Variants in TDRKH observed in about 807,000 individuals in gnomAD.
The protein encoded by TDRKH is tudor and KH domain containing.
In TDRKH, 28 loss-of-function variants were observed where a neutral mutation model predicts 61.3. That is an observed-to-expected ratio of 0.46 (90% CI 0.34 to 0.63). The LOEUF (loss-of-function observed/expected upper bound fraction) is 0.63, where lower values mean the gene tolerates loss of function less well. Ranked by LOEUF, TDRKH falls within the 20% of genes least tolerant of loss-of-function variation. The pLI is 0.01. For missense variants in TDRKH, 540 were observed against 683.4 expected (o/e 0.79, Z 2.34); for synonymous variants, 219 against 244.4 (o/e 0.90, Z 0.97).
chr1:151,767,523 G>A (rs1053564372), downstream of TDRKH: 7 of 933,426 alleles, frequency 7.5e-6, no homozygotes, highest in African/African-American at 1.7e-5. Context: ...AAGAGGGAGT[G>A]GGGACAAAGG....
intron 1 of TDRKH, among the ~76,000 whole-genome samples, chr1:151,787,182 T>C (rs1477026209): frequency 6.6e-6 from 1 of 152,252 alleles, no homozygotes; most frequent in African/African-American, 2.4e-5. Context: ...TCTTGGTGTC[T>C]AGAAAGAATT....
At position 151,790,427 on chromosome 1, in the gene TDRKH, G is replaced by C. The variant is rs1650812874; in HGVS notation, c.-75C>G. 1.3e-5 allele frequency: 2 copies of C among 153,278 alleles called. No individual in the cohort carries two copies. The highest frequency in any genetic ancestry group is 1.9e-4 in the East Asian group (1 of 5,216). 9.5% of individuals were successfully genotyped at this position (153,278 alleles called of 1,614,324 possible). ...TACCGCTGCTCCAGTCAGCCGTCGAGTGCGCCGCCTCGCGCCTCACCCCAG... is the reference window on the plus strand; with the variant it reads ...TACCGCTGCTCCAGTCAGCCGTCGACTGCGCCGCCTCGCGCCTCACCCCAG... On this transcript the variant is annotated 5_prime_UTR_variant, in exon 1 of 13. Coordinates refer to ENST00000368824, the MANE Select transcript of TDRKH (RefSeq NM_001083965.2).
chr1:151,779,848 A>C lies in TDRKH; in HGVS notation c.421+103T>G, dbSNP rs1039727787. ...TCTCAATGTCCCTTTTTTTCCCCTC[A>C]CATGGTGAAGGGGAACTAGGCCAGA... On this transcript the variant is annotated intron_variant, in intron 4 of 12. Transcript: ENST00000368824. 8.6e-5 allele frequency: 107 copies of C among 1,247,934 alleles called. 1 individual carries two copies. In the South Asian group the frequency reaches 1.5e-3, roughly 18 times the overall value. The allele number at this position is 1,247,934 out of a possible 1,614,324, so 77.3% of individuals were successfully genotyped here.
Position 151,775,507 on chromosome 1 carries a change from T to C in TDRKH, c.1319A>G (p.Asp440Gly), listed in dbSNP as rs772336892. ...QWEEEALDEFDRLTHCADWKP... is the reference protein window; with the variant it reads ...QWEEEALDEFGRLTHCADWKP... ...CCAGTCAGCACAATGAGTGAGTCTA[T>C]CAAACTCATCCAAAGCTTCCTCTTC... The change falls in exon 10 of 13, where the codon GAT (aspartate) becomes GGT (glycine). Residue 440 changes from aspartate to glycine, a missense_variant. Around this residue, in one of 3 missense-constraint regions of TDRKH, gnomAD observed 379 missense variants for 443.8 expected, o/e 0.85. Coordinates refer to ENST00000368824, the MANE Select transcript of TDRKH (RefSeq NM_001083965.2). 6.8e-6 allele frequency: 11 copies of C among 1,613,746 alleles called. No homozygotes were observed. In the Admixed American group the frequency reaches 1.8e-4, roughly 27 times the overall value.
In TDRKH at chr1:151,779,252, A is replaced by G; in HGVS notation, c.422-10T>C. 1 of 1,612,808 alleles carries G rather than the reference A, an allele frequency of 6.2e-7. No individual in the cohort carries two copies. Among genetic ancestry groups the G allele is most frequent in the South Asian group, 1.1e-5 (1 of 90,794 alleles). On this transcript the variant is annotated splice_polypyrimidine_tract_variant and intron_variant, in intron 4 of 12. Coordinates refer to ENST00000368824, the MANE Select transcript of TDRKH (RefSeq NM_001083965.2). ...GTCTCGCCGCCTCTCCCTACATTAA[A>G]CAATATATAAAAACCTGCCCTTCCC...
chr1:151,769,760 G>A (rs1648569040), downstream of TDRKH, among the ~76,000 whole-genome samples: 6 of 152,158 alleles, frequency 3.9e-5, no homozygotes, highest in Admixed American at 2.0e-4. Flanking sequence ...CCGAGATCAC[G>A]CCACTGCACT....
downstream of TDRKH, chr1:151,768,066 C>G: frequency 1.2e-6 from 2 of 1,613,962 alleles, no homozygotes; most frequent in African/African-American, 2.7e-5. Flanking sequence ...AGGCTGGGAA[C>G]TTGACGGTGC....
intron 1 of TDRKH, among the ~76,000 whole-genome samples, chr1:151,784,443 C>A (rs771918624): frequency 6.6e-6 from 1 of 152,224 alleles, no homozygotes; most frequent in Non-Finnish European, 1.5e-5. Flanking sequence ...CTTAAATCCA[C>A]TCTAACTGCT....
At chr1:151,768,001 C>G (rs1648425584), downstream of TDRKH, 4 of 1,600,166 alleles carry the variant, frequency 2.5e-6, no homozygotes, top group African/African-American at 2.7e-5. Flanking sequence ...CGGACACACC[C>G]CCATCTGCCT....
chr1:151,781,329 A>T (rs2101605538), intron 3 of TDRKH, 152 bp downstream of exon 3: 1 of 133,888 alleles, frequency 7.5e-6, no homozygotes, highest in African/African-American at 3.0e-5. Flanking sequence ...AAAAAAAAAA[A>T]TATATATATA....
chr1:151,782,503 T>G (rs1012261505), intron 2 of TDRKH, among the ~76,000 whole-genome samples: 2 of 147,604 alleles, frequency 1.4e-5, no homozygotes, highest in African/African-American at 5.0e-5. Flanking sequence ...GAAAGTCAAT[T>G]AAAATACCTG....
intron 1 of TDRKH, among the ~76,000 whole-genome samples, chr1:151,788,329 C>T (rs1177360019): frequency 6.6e-6 from 1 of 152,186 alleles, no homozygotes; most frequent in East Asian, 1.9e-4. Flanking sequence ...CTGATGTGTG[C>T]TTGACCCTCG....
chr1:151,771,376 G>A, downstream of TDRKH: 1 of 1,423,702 alleles, frequency 7.0e-7, no homozygotes, highest in South Asian at 1.5e-5. Context: ...AGGGTTGACT[G>A]GAGTGGGATA....
At chr1:151,780,794 G>A (rs1649678110) in intron 3 of TDRKH, among the ~76,000 whole-genome samples, 1 of 149,248 alleles carries the variant, frequency 6.7e-6, no homozygotes. Context: ...AGCTTGCAGT[G>A]AGCCAAGATC....
intron 6 of TDRKH, among the ~76,000 whole-genome samples, chr1:151,777,432 G>GCT (rs1250757464): frequency 6.6e-6 from 1 of 151,796 alleles, no homozygotes; most frequent in Non-Finnish European, 1.5e-5. Flanking sequence ...GGAGACAGAG[G>GCT]AAGACTCTGT....
downstream of TDRKH, chr1:151,770,105 AC>A: frequency 4.4e-6 from 2 of 455,024 alleles, no homozygotes; most frequent in Non-Finnish European, 3.6e-6. Context: ...CCATGGGGAG[AC>A]GGAGACGGAG....
At chr1:151,767,705 A>C (rs1648411505), downstream of TDRKH, among the ~76,000 whole-genome samples, 1 of 152,182 alleles carries the variant, frequency 6.6e-6, no homozygotes, top group Non-Finnish European at 1.5e-5. Context: ...AAACCCATAT[A>C]ATGAAAAAAG....
chr1:151,771,125 C>G, downstream of TDRKH: 3 of 1,612,578 alleles, frequency 1.9e-6, no homozygotes, highest in East Asian at 6.7e-5. Flanking sequence ...GTGGTCAGAC[C>G]AGATCACCCT....
At chr1:151,783,241 C>T (rs1426829440) in intron 1 of TDRKH, 192 bp from the exon 2 acceptor site, 3 of 359,500 alleles carry the variant, frequency 8.3e-6, no homozygotes, top group Non-Finnish European at 9.8e-6. Context: ...AGCTAAGGTA[C>T]ACATAGAATT....
Sources: allele counts gnomAD v4.1 joint callset (sites outside exome capture counted in the v4.1 genomes callset), GRCh38; gene constraint gnomAD v4.1.1; regional missense constraint gnomAD v4.1.1; transcripts MANE v1.5; gene names NCBI Gene and HGNC (gene_info 2026-07-23, HGNC 2026-07-21).